LRRK2: variants seen among roughly 807,000 people sequenced by gnomAD.
LRRK2 encodes leucine rich repeat kinase 2.
A neutral mutation model predicts 302.6 loss-of-function variants in LRRK2; 203 were observed. That is an observed-to-expected ratio of 0.67 (90% CI 0.60 to 0.75). The LOEUF (loss-of-function observed/expected upper bound fraction) is 0.75. Among genes scored for constraint, LRRK2 ranks in the 30% least tolerant of loss-of-function variants. LRRK2 has a pLI of 0.00. For synonymous variants in LRRK2, 1,066 were observed against 1,031.9 expected, an observed-to-expected ratio of 1.03 and a Z score of -0.63; for missense variants, 2,830 against 2,951.0, an observed-to-expected ratio of 0.96 and a Z score of 0.95.
rs1210357872 is a variant in LRRK2, at chr12:40,298,368, G to A, written c.3222G>A (p.Val1074=). ...DVSRNDIGPS[V]VLDPTVKCPT... ...CTCGAAATGACATTGGACCCTCAGT[G>A]GTTTTAGATCCTACAGTGAAATGTC... Residue 1074 remains valine (V), a synonymous_variant, in exon 24 of 51, where the codon GTG becomes GTA. Transcript: ENST00000298910. 2 of 1,613,772 alleles carry A rather than the reference G, an allele frequency of 1.2e-6. No homozygotes were observed. The highest frequency in any genetic ancestry group is 1.7e-5 in the Admixed American group (1 of 59,960).
chr12:40,255,794 G>A (rs1200520918), intron 11 of LRRK2, among the ~76,000 whole-genome samples: 2 of 152,090 alleles, frequency 1.3e-5, no homozygotes, highest in African/African-American at 4.8e-5. Context: ...TTTGGGAAAG[G>A]TTATTACAAC....
At chr12:40,249,982 G>A (rs201179508) in intron 8 of LRRK2, 37 bp downstream of exon 8, 26 of 1,610,386 alleles carry the variant, frequency 1.6e-5, no homozygotes, top group Non-Finnish European at 2.0e-5. Flanking sequence ...TCTTACAGAG[G>A]CATTTGACAT....
intron 48 of LRRK2, 83 bp downstream of exon 48, chr12:40,363,637 T>C: frequency 6.8e-7 from 1 of 1,472,108 alleles, no homozygotes; most frequent in Non-Finnish European, 9.4e-7. Context: ...TTTTCTTCCT[T>C]TCTGCCTCTG....
At chr12:40,366,554 T>C (rs1946885984) in intron 49 of LRRK2, 1 of 163,888 alleles carries the variant, frequency 6.1e-6, no homozygotes, top group Non-Finnish European at 1.3e-5. Flanking sequence ...TTGAATAAAT[T>C]AGTGAATGAT....
At chr12:40,258,635 T>G (rs1476678609) in intron 12 of LRRK2, among the ~76,000 whole-genome samples, 1 of 152,122 alleles carries the variant, frequency 6.6e-6, no homozygotes, top group African/African-American at 2.4e-5. Flanking sequence ...GAGAGACTGA[T>G]AAGTAAACAG....
At chr12:40,278,924 C>T (rs947321407) in intron 18 of LRRK2, among the ~76,000 whole-genome samples, 5 of 152,082 alleles carry the variant, frequency 3.3e-5, no homozygotes, top group African/African-American at 1.2e-4. Flanking sequence ...AAAATATATA[C>T]ATATCTCTTG....
rs780342669 is a variant in LRRK2, at chr12:40,259,535, A to G, written c.1474A>G (p.Lys492Glu). The G allele has an allele frequency of 3.7e-6, 6 of 1,613,426 alleles. No individual in the cohort carries two copies. The Admixed American group carries it at 8.3e-5, about 22-fold the overall frequency. ...AVVPKILTVMKRHETSLPVQL... is the reference protein window; with the variant it reads ...AVVPKILTVMERHETSLPVQL... ...GGTCCCCAAAATACTAACAGTTATG[A>G]AACGTCATGAGACATCATTACCAGT... is the stretch of plus-strand genomic sequence containing the variant. The change falls in exon 13 of 51, where the codon AAA becomes GAA. Residue 492 changes from lysine (K) to glutamate (E), a missense_variant. Physicochemically the swap from Lys to Glu is moderately conservative, Grantham distance 56. Transcript: ENST00000298910.
At chr12:40,351,786 G>C (rs1946361684) in intron 44 of LRRK2, 53 bp downstream of exon 44, 1 of 1,544,802 alleles carries the variant, frequency 6.5e-7, no homozygotes, top group Non-Finnish European at 8.9e-7. Context: ...ATACCATTTG[G>C]AAAGTTACTT....
At position 40,280,621 on chromosome 12, in the gene LRRK2, T is replaced by TTAAAATAAAATAAAATAAAA. The variant is rs57373855; in HGVS notation, c.2241+2384_2241+2403dup. On this transcript the variant is annotated intron_variant, in intron 18 of 50. Coordinates refer to ENST00000298910, the MANE Select transcript of LRRK2 (RefSeq NM_198578.4). ...GCCTAGGCAACAGAGCCAGACCCTG[T>TTAAAATAAAATAAAATAAAA]TAAAATAAAATAAAATAAAATAAAA... Among the ~76,000 whole-genome samples the TTAAAATAAAATAAAATAAAA allele has an allele frequency of 3.4e-3, 455 of 132,598 alleles. 2 individuals carry two copies. The highest frequency in any genetic ancestry group is 0.011 in the African/African-American group (387 of 33,882). The allele number at this position is 132,598 out of a possible 152,430, so 87.0% of individuals were successfully genotyped here.
chr12:40,351,196 T>C (rs1946340758), intron 43 of LRRK2, among the ~76,000 whole-genome samples: 1 of 152,078 alleles, frequency 6.6e-6, no homozygotes, highest in African/African-American at 2.4e-5. Context: ...GGCCCAAGGG[T>C]TTTTCTCTCA....
In LRRK2 at chr12:40,305,943, A is replaced by C; in HGVS notation, c.3936A>C (p.Gly1312=). ...LHLNFDFKHI[G]CKAKDIIRFL... ...TTAACTTTGATTTTAAACATATAGG[A>C]TGTAAAGCCAAAGACATCATAAGGT... is the stretch of plus-strand genomic sequence containing the variant. The change falls in exon 28 of 51, where the codon GGA becomes GGC. Residue 1312 remains glycine (G), a synonymous_variant. Transcript: ENST00000298910. 2 of 1,610,988 alleles carry C rather than the reference A, an allele frequency of 1.2e-6. No homozygotes were observed. The highest frequency in any genetic ancestry group is 1.7e-6 in the Non-Finnish European group (2 of 1,177,940).
chr12:40,306,827 T>C (rs771038282), intron 28 of LRRK2, among the ~76,000 whole-genome samples: 10 of 151,666 alleles, frequency 6.6e-5, no homozygotes, highest in South Asian at 4.1e-4. Context: ...TCTGTTTTTA[T>C]GAGGAAGGAT....
At chr12:40,333,788 C>A (rs1173008970) in intron 39 of LRRK2, among the ~76,000 whole-genome samples, 1 of 152,048 alleles carries the variant, frequency 6.6e-6, no homozygotes, top group Non-Finnish European at 1.5e-5. Flanking sequence ...ATCTGAATGG[C>A]AAGACTTCAG....
intron 2 of LRRK2, 83 bp from the exon 3 acceptor site, chr12:40,232,191 A>C (rs1941233122): frequency 1.0e-6 from 1 of 956,660 alleles, no homozygotes; most frequent in Admixed American, 1.8e-5. Flanking sequence ...TATTCCACTA[A>C]GATTGAAGAG....
chr12:40,295,518 A>T lies in LRRK2; in HGVS notation c.2970A>T (p.Ser990=). Residue 990 remains serine (S), a synonymous_variant, in exon 23 of 51, where the codon TCA becomes TCT. Transcript: ENST00000298910. The stretch of plus-strand genomic sequence containing the variant: ...AATATATTACATCACTAGACCTTTC[A>T]GCAAATGAACTAAGAGATATTGATG... ...EREYITSLDL[S]ANELRDIDAL... is the part of the protein sequence containing the mutation. 6.2e-7 allele frequency: 1 copy of T among 1,613,980 alleles called. No individual in the cohort carries two copies.
chr12:40,300,668 G>A (rs1944589843), intron 25 of LRRK2: 2 of 402,050 alleles, frequency 5.0e-6, no homozygotes, highest in Admixed American at 2.8e-5. Flanking sequence ...TGGGGATAGA[G>A]TTGTTGACTC....
intron 18 of LRRK2, 95 bp downstream of exon 18, chr12:40,278,356 T>C: frequency 6.9e-7 from 1 of 1,442,414 alleles, no homozygotes; most frequent in Admixed American, 1.7e-5. Context: ...ATCATATTAT[T>C]CTTCACTACA....
chr12:40,352,469 CT>C (rs1307806388), intron 44 of LRRK2, among the ~76,000 whole-genome samples: 2 of 104,532 alleles, frequency 1.9e-5, no homozygotes, highest in East Asian at 2.6e-4. Flanking sequence ...GTTAAACAAT[CT>C]TTTTTTTTTA....
chr12:40,322,302 T>C lies in LRRK2; in HGVS notation c.5318-17T>C, dbSNP rs777100528. 1.2e-6 allele frequency: 2 copies of C among 1,613,458 alleles called. No individual in the cohort carries two copies. Among genetic ancestry groups the C allele is most frequent in the Non-Finnish European group, 8.5e-7 (1 of 1,179,468 alleles). ...GAGGTTTAGACAAGGTGTTGAGCTC[T>C]GTTTTGAATCATGTAGGCTGTATTC... On this transcript the variant is annotated splice_polypyrimidine_tract_variant and intron_variant, in intron 36 of 50. Coordinates refer to ENST00000298910, the MANE Select transcript of LRRK2 (RefSeq NM_198578.4).
Sources: allele counts gnomAD v4.1 joint callset (sites outside exome capture counted in the v4.1 genomes callset), GRCh38; gene constraint gnomAD v4.1.1; transcripts MANE v1.5; gene names NCBI Gene and HGNC (gene_info 2026-07-23, HGNC 2026-07-21).